Variants in PKIB observed in about 807,000 individuals in gnomAD.
PKIB encodes the protein cAMP-dependent protein kinase inhibitor beta, also known as PKI-beta.
A neutral mutation model predicts 4.5 loss-of-function variants in PKIB; 2 were observed. That is an observed-to-expected ratio of 0.44 (90% CI 0.18 to 1.39). The LOEUF is 1.39. PKIB is among the 40% of genes most tolerant of loss of function. The pLI, the probability that PKIB is intolerant of heterozygous loss-of-function variation, is 0.27. For missense variants in PKIB, 94 were observed against 92.6 expected (o/e 1.02, Z -0.06); for synonymous variants, 38 against 36.0 (o/e 1.06, Z -0.20).
intron 2 of PKIB, among the ~76,000 whole-genome samples, chr6:122,502,024 C>T (rs139858735): frequency 0.013 from 1,881 of 149,214 alleles, 45 homozygotes; most frequent in African/African-American, 0.045. Flanking sequence ...ACAATCTTGG[C>T]TCATTGCAAC....
chr6:122,573,361 C>T (rs1481915426), intron 2 of PKIB, among the ~76,000 whole-genome samples: 1 of 151,678 alleles, frequency 6.6e-6, no homozygotes, highest in Non-Finnish European at 1.5e-5. Context: ...GACCCCATCT[C>T]TACAAAAAAT....
At chr6:122,658,854 A>C (rs1214774632) in intron 2 of PKIB, among the ~76,000 whole-genome samples, 1 of 150,834 alleles carries the variant, frequency 6.6e-6, no homozygotes, top group Non-Finnish European at 1.5e-5. Context: ...CATTCATTTG[A>C]CAAATTTTTT....
intron 2 of PKIB, among the ~76,000 whole-genome samples, chr6:122,664,262 G>A (rs1246098513): frequency 6.6e-6 from 1 of 152,114 alleles, no homozygotes; most frequent in African/African-American, 2.4e-5. Context: ...TTTTCTCTGA[G>A]CCAGACAAAT....
At chr6:122,615,267 C>A (rs930487921) in intron 1 of PKIB, among the ~76,000 whole-genome samples, 1 of 152,008 alleles carries the variant, frequency 6.6e-6, no homozygotes, top group South Asian at 2.1e-4. Flanking sequence ...CTGTTGTAAT[C>A]CTGGGGAGGT....
chr6:122,721,458 A>G (rs1779739928), intron 4 of PKIB, among the ~76,000 whole-genome samples: 1 of 152,192 alleles, frequency 6.6e-6, no homozygotes, highest in South Asian at 2.1e-4. Context: ...CCTTTGTTAC[A>G]GAGACTTTAA....
intron 2 of PKIB, among the ~76,000 whole-genome samples, chr6:122,519,085 C>A (rs1313261643): frequency 6.6e-6 from 1 of 152,106 alleles, no homozygotes; most frequent in Non-Finnish European, 1.5e-5. Flanking sequence ...CCGTGGGCTA[C>A]TAGGAACCAG....
At chr6:122,634,138 C>A (rs1046604893) in intron 2 of PKIB, among the ~76,000 whole-genome samples, 1 of 151,922 alleles carries the variant, frequency 6.6e-6, no homozygotes. Flanking sequence ...TGTTCTCACT[C>A]ATAAGTAGGG....
intron 3 of PKIB, among the ~76,000 whole-genome samples, chr6:122,600,270 C>A (rs1336543541): frequency 6.6e-6 from 1 of 152,258 alleles, no homozygotes; most frequent in Admixed American, 6.5e-5. Flanking sequence ...TATTTGCTGG[C>A]AGCTGATTAG....
At chr6:122,686,516 G>A (rs1582811341) in intron 3 of PKIB, among the ~76,000 whole-genome samples, 1 of 149,382 alleles carries the variant, frequency 6.7e-6, no homozygotes, top group Non-Finnish European at 1.5e-5. Flanking sequence ...TTTATTTTTC[G>A]AGAAAGGATC....
chr6:122,516,042 C>T (rs921674145), intron 2 of PKIB, among the ~76,000 whole-genome samples: 3 of 152,198 alleles, frequency 2.0e-5, no homozygotes, highest in South Asian at 4.2e-4. Flanking sequence ...ATTCCTGGCT[C>T]ATATTTGAAG....
chr6:122,573,682 C>G (rs766252850), intron 2 of PKIB, among the ~76,000 whole-genome samples: 51 of 152,076 alleles, frequency 3.4e-4, no homozygotes, highest in Non-Finnish European at 5.7e-4. Flanking sequence ...AAATAATTAT[C>G]TCAATAGATG....
At chr6:122,717,310 T>C (rs1251804240) in intron 3 of PKIB, among the ~76,000 whole-genome samples, 1 of 152,084 alleles carries the variant, frequency 6.6e-6, no homozygotes, top group Non-Finnish European at 1.5e-5. Context: ...TGAGATAAAG[T>C]GGAATTTCTT....
intron 2 of PKIB, among the ~76,000 whole-genome samples, chr6:122,489,100 A>C (rs1418948562): frequency 6.6e-6 from 1 of 152,142 alleles, no homozygotes. Context: ...TAGCCCCAAT[A>C]GTTTCCTTGG....
At position 122,668,915 on chromosome 6, in the gene PKIB, T is replaced by C. The variant is rs193272884; in HGVS notation, c.-75-6163T>C. ...ATTTGTTTCAATTTGCCATTTCTAC[T>C]TACAGACATCAGCCCCTGGCTGGGT... On this transcript the variant is annotated intron_variant, in intron 2 of 4. Transcript: ENST00000368452. Among the ~76,000 whole-genome samples, 303 of 152,328 alleles carry C rather than the reference T, an allele frequency of 2.0e-3. 1 individual carries two copies. Among genetic ancestry groups the C allele is most frequent in the Non-Finnish European group, 2.6e-3 (180 of 68,016 alleles).
At chr6:122,538,884 A>G (rs1211259887) in intron 2 of PKIB, among the ~76,000 whole-genome samples, 2 of 151,994 alleles carry the variant, frequency 1.3e-5, no homozygotes, top group Non-Finnish European at 2.9e-5. Context: ...TTCTCCTTGA[A>G]GAGGTCCTTC....
intron 3 of PKIB, among the ~76,000 whole-genome samples, chr6:122,602,403 T>A (rs949317373): frequency 1.3e-5 from 2 of 152,174 alleles, no homozygotes; most frequent in Non-Finnish European, 2.9e-5. Flanking sequence ...CTAATGAGAA[T>A]CATAAGATGC....
At chr6:122,507,822 T>A (rs1311154950) in intron 2 of PKIB, among the ~76,000 whole-genome samples, 1 of 152,012 alleles carries the variant, frequency 6.6e-6, no homozygotes, top group African/African-American at 2.4e-5. Context: ...GTTTTTGAGT[T>A]TTTTTTACCA....
intron 1 of PKIB, among the ~76,000 whole-genome samples, chr6:122,626,136 A>C (rs1488651875): frequency 6.6e-6 from 1 of 152,156 alleles, no homozygotes; most frequent in Non-Finnish European, 1.5e-5. Context: ...AATTAATAGT[A>C]GGTAAATCAG....
chr6:122,646,067 A>C (rs1776303915), intron 2 of PKIB, among the ~76,000 whole-genome samples: 1 of 152,102 alleles, frequency 6.6e-6, no homozygotes, highest in African/African-American at 2.4e-5. Flanking sequence ...TGAAGCACGC[A>C]ATATGGAGGT....
Sources: allele counts gnomAD v4.1 joint callset (sites outside exome capture counted in the v4.1 genomes callset), GRCh38; gene constraint gnomAD v4.1.1; transcripts MANE v1.5; gene names NCBI Gene and HGNC (gene_info 2026-07-23, HGNC 2026-07-21).